The following ULK2 variants were observed in gnomAD, a reference collection of about 807,000 sequenced individuals.
ULK2 encodes unc-51 like autophagy activating kinase 2, also known as serine/threonine-protein kinase ULK2.
A neutral mutation model predicts 127.5 loss-of-function variants in ULK2; 76 were observed. The ratio of observed to expected loss-of-function variants is 0.60; its 90% CI spans 0.50 to 0.72. The LOEUF (loss-of-function observed/expected upper bound fraction) is 0.72, where lower values mean the gene tolerates loss of function less well. ULK2 is among the 30% of genes least tolerant of loss of function. The probability of loss-of-function intolerance (pLI) is 0.00; values close to 1 mark genes in which losing one functional copy is unlikely to be tolerated. For missense variants in ULK2, 1,144 were observed against 1,295.9 expected (o/e 0.88, Z 1.80); for synonymous variants, 452 against 461.9 (o/e 0.98, Z 0.28).
chr17:19,838,782 C>A (rs1328487742), intron 9 of ULK2, among the ~76,000 whole-genome samples, 199 bp from the exon 10 acceptor site: 3 of 152,026 alleles, frequency 2.0e-5, no homozygotes, highest in Admixed American at 6.6e-5. Context: ...AATCCCAGCA[C>A]TTTGGGAGGC....
rs1489151014 is a variant in ULK2, at chr17:19,772,126, CTG to C, written c.*4221_*4222del. 6.6e-6 allele frequency: 1 copy of C among 152,350 alleles called. No individual in the cohort carries two copies. Among genetic ancestry groups the C allele is most frequent in the Admixed American group, 6.5e-5 (1 of 15,294 alleles). 9.4% of individuals were successfully genotyped at this position (152,350 alleles called of 1,614,324 possible). ...TCTGCACAGCCTCTGCTGGGCCACT[CTG>C]TGAGAGGTCACGCTGGCAGCAAGAT... is the stretch of plus-strand genomic sequence containing the variant. On this transcript the variant is annotated 3_prime_UTR_variant, in exon 27 of 27. Coordinates refer to ENST00000395544, the MANE Select transcript of ULK2 (RefSeq NM_014683.4).
chr17:19,839,235 A>G (rs1218298664), intron 9 of ULK2, among the ~76,000 whole-genome samples: 1 of 152,150 alleles, frequency 6.6e-6, no homozygotes, highest in South Asian at 2.1e-4. Flanking sequence ...AGCCACCTCC[A>G]TTTCTGTCTG....
At chr17:19,844,299 A>C (rs2041830766) in intron 7 of ULK2, among the ~76,000 whole-genome samples, 1 of 152,092 alleles carries the variant, frequency 6.6e-6, no homozygotes, top group African/African-American at 2.4e-5. Flanking sequence ...TTTCCTTTTA[A>C]CTTTAATTCT....
In ULK2 at chr17:19,776,265, G is replaced by A; in HGVS notation, c.*84C>T. On this transcript the variant is annotated 3_prime_UTR_variant, in exon 27 of 27. Coordinates refer to ENST00000395544, the MANE Select transcript of ULK2 (RefSeq NM_014683.4). ...CCAGTTAAGAAGCTACAGTTTCCTG[G>A]GGATGGGGTGACAGAACTCAAGCTG... 3 of 1,261,934 alleles carry A rather than the reference G, an allele frequency of 2.4e-6. No individual in the cohort carries two copies. Among genetic ancestry groups the A allele is most frequent in the Admixed American group, 3.0e-5 (1 of 33,818 alleles). The allele number at this position is 1,261,934 out of a possible 1,614,324, so 78.2% of individuals were successfully genotyped here.
At position 19,780,583 on chromosome 17, in the gene ULK2, G is replaced by C; in HGVS notation, c.2805C>G (p.Cys935Trp). The C allele has an allele frequency of 1.2e-6, 2 of 1,613,414 alleles. No individual in the cohort carries two copies. Among genetic ancestry groups the C allele is most frequent in the Non-Finnish European group, 1.7e-6 (2 of 1,179,804 alleles). ...NERYKFCITMCKKLTEKLNRF... is the reference protein window; with the variant it reads ...NERYKFCITMWKKLTEKLNRF... ...GATTCAGCTTTTCTGTAAGTTTCTT[G>C]CACATGGTGATGCAGAATTTATATC... is the stretch of plus-strand genomic sequence containing the variant. The change falls in exon 25 of 27, where the codon TGC becomes TGG. Residue 935 changes from cysteine (C) to tryptophan (W), a missense_variant. Cys to Trp is a radical substitution (Grantham distance 215). Transcript: ENST00000395544.
intron 10 of ULK2, among the ~76,000 whole-genome samples, chr17:19,832,253 A>C (rs1359591081): frequency 1.3e-5 from 2 of 151,934 alleles, no homozygotes; most frequent in Non-Finnish European, 2.9e-5. Flanking sequence ...AGTCAAGATA[A>C]ATGAAACATT....
chr17:19,852,044 CAAAAAAAA>C (rs201031615), intron 3 of ULK2, among the ~76,000 whole-genome samples: 10 of 49,130 alleles, frequency 2.0e-4, no homozygotes, highest in Middle Eastern at 0.012. Context: ...GACTCCATCT[CAAAAAAAA>C]AAAAAAAAAA....
At chr17:19,823,266 CT>C (rs2041206539) in intron 12 of ULK2, among the ~76,000 whole-genome samples, 2 of 150,986 alleles carry the variant, frequency 1.3e-5, no homozygotes, top group South Asian at 4.2e-4. Flanking sequence ...CTAAAAAAGA[CT>C]TTCTCTTTCT....
intron 10 of ULK2, 73 bp from the exon 11 acceptor site, chr17:19,826,259 A>G: frequency 1.1e-6 from 1 of 925,016 alleles, no homozygotes; most frequent in Non-Finnish European, 1.6e-6. Flanking sequence ...TTTTTTCTCA[A>G]CGTATTCAAT....
intron 20 of ULK2, among the ~76,000 whole-genome samples, chr17:19,789,110 T>C (rs544437076): frequency 3.9e-5 from 6 of 152,046 alleles, no homozygotes; most frequent in Non-Finnish European, 8.8e-5. Context: ...AGCCAAGCAA[T>C]GATTAAAGAG....
chr17:19,780,557 C>T lies in ULK2; in HGVS notation c.2831G>A (p.Arg944Gln), dbSNP rs377723191. The T allele has an allele frequency of 1.9e-5, 30 of 1,613,652 alleles. No individual in the cohort carries two copies. The highest frequency in any genetic ancestry group is 3.3e-5 in the Admixed American group (2 of 59,982). Residue 944 changes from arginine (R) to glutamine (Q), a missense_variant, in exon 25 of 27, where the codon CGA (arginine) becomes CAA (glutamine). By Grantham distance (43) the Arg-to-Gln change is conservative. Transcript: ENST00000395544. ...AAACCTCTGTTTGTCAGAGAAGAAT[C>T]GATTCAGCTTTTCTGTAAGTTTCTT... is the stretch of plus-strand genomic sequence containing the variant. ...MCKKLTEKLN[R>Q]FFSDKQRFID...
chr17:19,858,857 C>T (rs1378733049), intron 3 of ULK2, among the ~76,000 whole-genome samples: 1 of 152,064 alleles, frequency 6.6e-6, no homozygotes, highest in Non-Finnish European at 1.5e-5. Flanking sequence ...GTAATCCCAG[C>T]TACTTGGGAG....
intron 13 of ULK2, among the ~76,000 whole-genome samples, chr17:19,814,359 T>C (rs1009449328): frequency 1.4e-5 from 2 of 147,910 alleles, no homozygotes; most frequent in African/African-American, 5.0e-5. Context: ...ATCTAAGTTT[T>C]TAGTTAGAAG....
intron 16 of ULK2, among the ~76,000 whole-genome samples, chr17:19,800,542 C>T (rs157389): frequency 0.94 from 143,838 of 152,304 alleles, 68,088 homozygotes; most frequent in Non-Finnish European, 0.97. Flanking sequence ...AAAGATTTTT[C>T]ATCTAAAAAC....
At chr17:19,783,663 C>T in intron 22 of ULK2, 34 bp downstream of exon 22, 1 of 1,396,574 alleles carries the variant, frequency 7.2e-7, no homozygotes, top group Non-Finnish European at 9.4e-7. Context: ...ATCAAATCAA[C>T]ATTACATTCA....
intron 8 of ULK2, among the ~76,000 whole-genome samples, chr17:19,842,190 C>CTTTTTTTTTTTT (rs869294657): frequency 6.8e-5 from 6 of 88,392 alleles, no homozygotes; most frequent in African/African-American, 1.3e-4. Flanking sequence ...TTTTCTTTTT[C>CTTTTTTTTTTTT]TTTTTTTTTT....
rs543345143 is a variant in ULK2 at position 19,846,663 on chromosome 17, T to C, written c.469+74A>G. ...TCAAAAAAAAAAAAAAAATCCATCA[T>C]TCAACAAAGCTAAAGTTGTCTAAAA... On this transcript the variant is annotated intron_variant, in intron 6 of 26. Coordinates refer to ENST00000395544, the MANE Select transcript of ULK2 (RefSeq NM_014683.4). 85 of 1,434,424 alleles carry C rather than the reference T, an allele frequency of 5.9e-5. No homozygotes were observed. The African/African-American group carries it at 1.1e-3, about 19-fold the overall frequency. The allele number at this position is 1,434,424 out of a possible 1,614,324, so 88.9% of individuals were successfully genotyped here. A position where few individuals can be genotyped will look rare whatever the true frequency, so the allele number is the denominator to read the frequency against.
At chr17:19,853,501 C>T (rs1052974663) in intron 3 of ULK2, among the ~76,000 whole-genome samples, 4 of 151,940 alleles carry the variant, frequency 2.6e-5, no homozygotes, top group Admixed American at 2.0e-4. Context: ...TCATTCTCCA[C>T]CCCTCAGGCA....
In ULK2 at chr17:19,780,436, T is replaced by C. The variant is rs540130418; in HGVS notation, c.2916+36A>G. On this transcript the variant is annotated intron_variant, in intron 25 of 26. Coordinates refer to ENST00000395544, the MANE Select transcript of ULK2 (RefSeq NM_014683.4). ...AATTAAAAAGACACTTAAAGATAAG[T>C]AGTACTATACAATATTAAACCTTAG... 52 of 1,531,244 alleles carry C rather than the reference T, an allele frequency of 3.4e-5. No homozygotes were observed. The Middle Eastern group carries it at 8.1e-4, about 24-fold the overall frequency. 94.9% of individuals were successfully genotyped at this position (1,531,244 alleles called of 1,614,324 possible). A position where few individuals can be genotyped will look rare whatever the true frequency, so the allele number is the denominator to read the frequency against.
Sources: gnomAD v4.1 joint callset for allele counts (sites outside exome capture counted in the v4.1 genomes callset) on GRCh38, gnomAD v4.1.1 for gene constraint, MANE v1.5 for transcripts, NCBI Gene and HGNC (gene_info 2026-07-23, HGNC 2026-07-21) for gene names.